LAMA1: variants seen among roughly 807,000 people sequenced by gnomAD.
The protein encoded by LAMA1 is laminin subunit alpha 1.
In LAMA1, 219 loss-of-function variants were observed where a neutral mutation model predicts 348.7. The observed-to-expected ratio is 0.63, with a 90% CI of 0.56 to 0.70. LAMA1 has a LOEUF of 0.70. LAMA1 is among the 30% of genes least tolerant of loss of function. LAMA1 has a pLI of 0.00. For synonymous variants in LAMA1, 1,487 were observed against 1,491.0 expected (o/e 1.00, Z 0.06); for missense variants, 3,744 against 3,888.0 (o/e 0.96, Z 0.99).
At chr18:7,095,346 G>A (rs1241572345) in intron 1 of LAMA1, among the ~76,000 whole-genome samples, 2 of 152,134 alleles carry the variant, frequency 1.3e-5, no homozygotes, top group African/African-American at 2.4e-5. Flanking sequence ...TGCGAGCCTT[G>A]TTTAATGTAT....
At position 6,983,190 on chromosome 18, in the gene LAMA1, G is replaced by C. The variant is rs1266663545; in HGVS notation, c.5705C>G (p.Ala1902Gly). The change falls in exon 40 of 63, where the codon GCA (alanine) becomes GGA (glycine). Residue 1902 changes from alanine to glycine, a missense_variant. Ala to Gly is a moderately conservative substitution (Grantham distance 60). Around this residue, in one of 3 missense-constraint regions of LAMA1, gnomAD observed 1,983 missense variants for 1,934.3 expected, o/e 1.03. Coordinates refer to ENST00000389658, the MANE Select transcript of LAMA1 (RefSeq NM_005559.4). ...CTGGATGTTGTAATGGACATAGGCT[G>C]CACTGGTGGCATTCAGGGACACATT... ...IRNVSLNATS[A>G]AYVHYNIQSL... 2 of 1,614,172 alleles carry C rather than the reference G, an allele frequency of 1.2e-6. No homozygotes were observed. The highest frequency in any genetic ancestry group is 1.7e-6 in the Non-Finnish European group (2 of 1,180,010).
intron 1 of LAMA1, among the ~76,000 whole-genome samples, chr18:7,106,419 G>T (rs939018065): frequency 6.6e-6 from 1 of 151,358 alleles, no homozygotes. Flanking sequence ...GAGTGCAGTG[G>T]CGTAATCTCA....
intron 47 of LAMA1, among the ~76,000 whole-genome samples, chr18:6,972,742 T>A (rs192195851): frequency 6.6e-6 from 1 of 152,312 alleles, no homozygotes; most frequent in East Asian, 1.9e-4. Flanking sequence ...CAGGCTGGAG[T>A]GCAATGGCGC....
In LAMA1 at chr18:6,947,146, GGAGAGGAAGCA is replaced by G. The variant is rs1481182734; in HGVS notation, c.8844+6_8844+16del. On this transcript the variant is annotated splice_donor_region_variant and intron_variant, in intron 61 of 62. Transcript: ENST00000389658. ...ACACTGGGGGGAGGAAGACCCTCATGGAGAGGAAGCACCCACCTTGCCGTCCACAAGCTCTA... is the reference window on the plus strand; with the variant it reads ...ACACTGGGGGGAGGAAGACCCTCATGCCCACCTTGCCGTCCACAAGCTCTA... 1.2e-6 allele frequency: 2 copies of G among 1,614,148 alleles called. No homozygotes were observed. The highest frequency in any genetic ancestry group is 1.7e-6 in the Non-Finnish European group (2 of 1,180,022).
At chr18:6,955,627 C>T (rs1006478451) in intron 56 of LAMA1, 162 bp from the exon 57 acceptor site, 1 of 697,380 alleles carries the variant, frequency 1.4e-6, no homozygotes, top group Non-Finnish European at 2.6e-6. Context: ...TTAAATGATG[C>T]ACTCGCCAGC....
At chr18:7,047,045 CTT>C (rs11312379) in intron 5 of LAMA1, among the ~76,000 whole-genome samples, 29 of 133,138 alleles carry the variant, frequency 2.2e-4, no homozygotes, top group Admixed American at 2.3e-4. Flanking sequence ...GCCTTGATTT[CTT>C]TTTTTTTTTT....
intron 44 of LAMA1, 69 bp from the exon 45 acceptor site, chr18:6,976,149 CAAT>C: frequency 6.8e-7 from 1 of 1,480,390 alleles, no homozygotes; most frequent in Non-Finnish European, 9.4e-7. Context: ...AGCAGCTCAA[CAAT>C]GCTATTCTGT....
chr18:6,949,860 T>C (rs2057538469), intron 58 of LAMA1, among the ~76,000 whole-genome samples: 1 of 152,224 alleles, frequency 6.6e-6, no homozygotes, highest in South Asian at 2.1e-4. Context: ...TCTGCTAAGA[T>C]ACAGGCATAA....
At chr18:7,044,536 GCA>G (rs1397543519) in intron 7 of LAMA1, among the ~76,000 whole-genome samples, 184 bp downstream of exon 7, 1 of 152,102 alleles carries the variant, frequency 6.6e-6, no homozygotes, top group Non-Finnish European at 1.5e-5. Context: ...AGATAAAACA[GCA>G]AACCCATAAA....
intron 19 of LAMA1, among the ~76,000 whole-genome samples, chr18:7,018,336 CAAAAAAAAAAA>C (rs764975447): frequency 4.5e-5 from 2 of 44,206 alleles, no homozygotes; most frequent in Non-Finnish European, 7.4e-5. Context: ...AACTCCATCT[CAAAAAAAAAAA>C]AAAAAAAAAA....
chr18:6,970,239 T>C (rs1368191110), intron 48 of LAMA1, among the ~76,000 whole-genome samples: 2 of 152,146 alleles, frequency 1.3e-5, no homozygotes, highest in Non-Finnish European at 2.9e-5. Flanking sequence ...TTTTTTATCA[T>C]AGCTGCCAAT....
chr18:7,080,071 T>A lies in LAMA1; in HGVS notation c.249A>T (p.Ser83=). 6.2e-7 allele frequency: 1 copy of A among 1,612,010 alleles called. No homozygotes were observed. The change falls in exon 3 of 63, where the codon TCA becomes TCT. Residue 83 remains serine (S), a synonymous_variant. Coordinates refer to ENST00000389658, the MANE Select transcript of LAMA1 (RefSeq NM_005559.4). ...SANPRERHPI[S]HAIDGTNNWW... ...AGTTATTGGTGCCATCTATGGCATG[T>A]GATATTGGATGGCGTTCTGTTGAAA...
chr18:6,993,433 T>TA (rs954097008), intron 35 of LAMA1, among the ~76,000 whole-genome samples: 11 of 152,032 alleles, frequency 7.2e-5, no homozygotes, highest in Non-Finnish European at 1.3e-4. Context: ...ATGCAGAAAA[T>TA]AAAAAAAGAA....
At chr18:7,067,549 G>T (rs917387283) in intron 3 of LAMA1, among the ~76,000 whole-genome samples, 10 of 152,068 alleles carry the variant, frequency 6.6e-5, no homozygotes, top group African/African-American at 1.2e-4. Context: ...GGCTGGGAAG[G>T]GGGTGGGGGA....
In LAMA1 at chr18:6,942,247, G is replaced by A; in HGVS notation, c.9068-8C>T. The stretch of plus-strand genomic sequence containing the variant: ...ATTTTTGCTTCACACCAGCTGTTCA[G>A]GAAAGAAGAGAAGACAAATCTTGCT... On this transcript the variant is annotated splice_region_variant and splice_polypyrimidine_tract_variant and intron_variant, in intron 62 of 62. Transcript: ENST00000389658. 1 of 1,613,788 alleles carries A rather than the reference G, an allele frequency of 6.2e-7. No homozygotes were observed. The highest frequency in any genetic ancestry group is 8.5e-7 in the Non-Finnish European group (1 of 1,180,024).
intron 8 of LAMA1, chr18:7,042,611 G>A (rs186781142): frequency 1.3e-3 from 380 of 293,466 alleles, no homozygotes; most frequent in African/African-American, 7.3e-3. Context: ...ACGGCCAGGC[G>A]TGGTGGCTCA....
At position 7,049,326 on chromosome 18, in the gene LAMA1, G is replaced by A. The variant is rs567959483; in HGVS notation, c.589-69C>T. The A allele has an allele frequency of 5.9e-5, 84 of 1,415,290 alleles. No homozygotes were observed. The East Asian group carries it at 6.3e-4, about 11-fold the overall frequency. The allele number at this position is 1,415,290 out of a possible 1,614,324, so 87.7% of individuals were successfully genotyped here. A position where few individuals can be genotyped will look rare whatever the true frequency, so the allele number is the denominator to read the frequency against. On this transcript the variant is annotated intron_variant, in intron 4 of 62. Coordinates refer to ENST00000389658, the MANE Select transcript of LAMA1 (RefSeq NM_005559.4). ...TTATTTATTTATTTTTTGAGATGGC[G>A]TCTCGCTCTTTGGTCCAGGCTGGAG...
chr18:7,054,809 C>T (rs141525843), intron 3 of LAMA1, among the ~76,000 whole-genome samples: 11 of 152,236 alleles, frequency 7.2e-5, no homozygotes, highest in Non-Finnish European at 1.5e-4. Flanking sequence ...GATGGATCCA[C>T]GTCCACTTAA....
chr18:7,026,267 A>G (rs1379631722), intron 16 of LAMA1, among the ~76,000 whole-genome samples, 161 bp from the exon 17 acceptor site: 1 of 152,244 alleles, frequency 6.6e-6, no homozygotes, highest in Non-Finnish European at 1.5e-5. Context: ...TTTCAGATTA[A>G]TATCAGCAAG....
Sources: gnomAD v4.1 joint callset for allele counts (sites outside exome capture counted in the v4.1 genomes callset) on GRCh38, gnomAD v4.1.1 for gene constraint, gnomAD v4.1.1 regional missense constraint, MANE v1.5 for transcripts, NCBI Gene and HGNC (gene_info 2026-07-23, HGNC 2026-07-21) for gene names.